Variants in EXOC6B observed in about 807,000 individuals in gnomAD.
EXOC6B encodes the protein exocyst complex component 6B.
A neutral mutation model predicts 113.5 loss-of-function variants in EXOC6B; 54 were observed. That is an observed-to-expected ratio of 0.48 (90% CI 0.38 to 0.60). The LOEUF is 0.60. Ranked by LOEUF, EXOC6B falls within the 20% of genes least tolerant of loss-of-function variation. The probability of loss-of-function intolerance (pLI) is 0.00; values close to 1 mark genes in which losing one functional copy is unlikely to be tolerated. For synonymous variants in EXOC6B, 357 were observed against 339.0 expected (o/e 1.05, Z -0.58); for missense variants, 797 against 977.5 (o/e 0.82, Z 2.46).
chr2:72,179,261 G>C lies in EXOC6B; in HGVS notation c.*74C>G. 1 of 1,461,498 alleles carries C rather than the reference G, an allele frequency of 6.8e-7. No individual in the cohort carries two copies. Among genetic ancestry groups the C allele is most frequent in the Non-Finnish European group, 9.1e-7 (1 of 1,098,968 alleles). The allele number at this position is 1,461,498 out of a possible 1,614,324, so 90.5% of individuals were successfully genotyped here. On this transcript the variant is annotated 3_prime_UTR_variant, in exon 22 of 22. Transcript: ENST00000272427. The stretch of plus-strand genomic sequence containing the variant: ...CTTTGAAGAAGAATGCACAAATGCA[G>C]GGTCAGCTGGGGCTGGACCCCAGAC...
At chr2:72,635,173 G>A (rs929634219) in intron 6 of EXOC6B, among the ~76,000 whole-genome samples, 2 of 151,876 alleles carry the variant, frequency 1.3e-5, no homozygotes, top group Non-Finnish European at 2.9e-5. Context: ...GAAAAGCAAA[G>A]TAATTCTAAA....
intron 6 of EXOC6B, among the ~76,000 whole-genome samples, chr2:72,612,493 T>TA (rs369181673): frequency 0.018 from 2,686 of 147,728 alleles, 68 homozygotes; most frequent in African/African-American, 0.06. Context: ...TGCGCTTAAG[T>TA]AAAAAAAAAA....
At chr2:72,272,974 G>A (rs1405848295) in intron 20 of EXOC6B, among the ~76,000 whole-genome samples, 3 of 152,124 alleles carry the variant, frequency 2.0e-5, no homozygotes, top group Non-Finnish European at 2.9e-5. Flanking sequence ...AAAGTAAAAG[G>A]TGAGATTTTA....
chr2:72,364,482 A>G (rs1424795112), intron 19 of EXOC6B, among the ~76,000 whole-genome samples: 3 of 152,140 alleles, frequency 2.0e-5, no homozygotes, highest in Non-Finnish European at 4.4e-5. Flanking sequence ...GGTTATTACA[A>G]ATACCAAATG....
chr2:72,497,788 A>C (rs1700114221), intron 13 of EXOC6B, among the ~76,000 whole-genome samples: 1 of 152,200 alleles, frequency 6.6e-6, no homozygotes, highest in Admixed American at 6.5e-5. Flanking sequence ...ATAATCACTT[A>C]AAGTAAAGGA....
intron 8 of EXOC6B, among the ~76,000 whole-genome samples, chr2:72,550,333 T>G (rs1371718301): frequency 6.6e-6 from 1 of 152,194 alleles, no homozygotes; most frequent in Non-Finnish European, 1.5e-5. Context: ...AAAAAGGCTA[T>G]GAAGAGTCAG....
chr2:72,249,345 C>T (rs1310649575), intron 20 of EXOC6B, among the ~76,000 whole-genome samples: 1 of 152,124 alleles, frequency 6.6e-6, no homozygotes, highest in Non-Finnish European at 1.5e-5. Flanking sequence ...CTGCAAGCCT[C>T]CCGGGTTCAC....
chr2:72,297,408 C>T (rs2104739248), intron 20 of EXOC6B, among the ~76,000 whole-genome samples: 1 of 152,206 alleles, frequency 6.6e-6, no homozygotes, highest in East Asian at 1.9e-4. Flanking sequence ...GCCCCAGTGT[C>T]TGTTCTTCCC....
intron 19 of EXOC6B, among the ~76,000 whole-genome samples, chr2:72,358,475 G>A (rs1690104572): frequency 1.3e-5 from 2 of 152,066 alleles, no homozygotes; most frequent in Non-Finnish European, 2.9e-5. Context: ...TGATGATGAT[G>A]TCTGCTAACA....
chr2:72,389,431 T>C (rs1375496428), intron 18 of EXOC6B, among the ~76,000 whole-genome samples: 3 of 152,034 alleles, frequency 2.0e-5, no homozygotes, highest in African/African-American at 7.2e-5. Flanking sequence ...CCATTACATA[T>C]TAAAAAACAA....
intron 20 of EXOC6B, among the ~76,000 whole-genome samples, chr2:72,198,974 T>C (rs1679332331): frequency 6.6e-6 from 1 of 152,276 alleles, no homozygotes; most frequent in Admixed American, 6.5e-5. Flanking sequence ...CTAGCCTTTA[T>C]TCATGTTTAA....
chr2:72,729,969 C>A (rs1427955467), intron 5 of EXOC6B, among the ~76,000 whole-genome samples: 1 of 151,898 alleles, frequency 6.6e-6, no homozygotes, highest in Non-Finnish European at 1.5e-5. Context: ...TACTTTTTCC[C>A]TCAAAACCTA....
chr2:72,397,840 T>C (rs1692849183), intron 18 of EXOC6B, among the ~76,000 whole-genome samples: 1 of 151,782 alleles, frequency 6.6e-6, no homozygotes, highest in Non-Finnish European at 1.5e-5. Context: ...CTGAATAAAA[T>C]GATCAAGGGC....
At chr2:72,571,949 A>G (rs971739397) in intron 7 of EXOC6B, among the ~76,000 whole-genome samples, 3 of 152,224 alleles carry the variant, frequency 2.0e-5, no homozygotes, top group African/African-American at 7.2e-5. Flanking sequence ...TGTATTAAGT[A>G]TATTTGCATT....
At chr2:72,408,228 A>C (rs1175068958) in intron 18 of EXOC6B, among the ~76,000 whole-genome samples, 3 of 152,194 alleles carry the variant, frequency 2.0e-5, no homozygotes, top group Non-Finnish European at 4.4e-5. Context: ...ATACAAACAA[A>C]TGGAAGAACA....
At chr2:72,368,060 C>T (rs1048699881) in intron 19 of EXOC6B, among the ~76,000 whole-genome samples, 6 of 152,124 alleles carry the variant, frequency 3.9e-5, no homozygotes, top group African/African-American at 1.4e-4. Flanking sequence ...GACAGTAACC[C>T]AGCCAGGGCA....
intron 15 of EXOC6B, 36 bp from the exon 16 acceptor site, chr2:72,492,465 T>C: frequency 7.2e-7 from 1 of 1,391,744 alleles, no homozygotes; most frequent in South Asian, 1.2e-5. Flanking sequence ...TCATAGCAGG[T>C]AGCAGAATTA....
chr2:72,666,737 TA>T (rs920264181), intron 6 of EXOC6B, among the ~76,000 whole-genome samples: 2 of 149,110 alleles, frequency 1.3e-5, no homozygotes, highest in Non-Finnish European at 3.0e-5. Context: ...CCAATTACAT[TA>T]TAGCAGAGAA....
At chr2:72,578,425 G>A (rs770790442) in intron 6 of EXOC6B, among the ~76,000 whole-genome samples, 1 of 152,060 alleles carries the variant, frequency 6.6e-6, no homozygotes, top group South Asian at 2.1e-4. Flanking sequence ...CTCCTAATAC[G>A]CTGGGTAAAT....
Sources: allele counts gnomAD v4.1 joint callset (sites outside exome capture counted in the v4.1 genomes callset), GRCh38; gene constraint gnomAD v4.1.1; transcripts MANE v1.5; gene names NCBI Gene and HGNC (gene_info 2026-07-23, HGNC 2026-07-21).